ATP8A2: variants seen among roughly 807,000 people sequenced by gnomAD.
ATP8A2 encodes the protein phospholipid-transporting ATPase IB.
ATP8A2 carries 100 observed loss-of-function variants against 165.6 expected under a neutral mutation model. The observed-to-expected ratio is 0.60, with a 90% CI of 0.51 to 0.71. The LOEUF (loss-of-function observed/expected upper bound fraction) is 0.71. Among genes scored for constraint, ATP8A2 ranks in the 30% least tolerant of loss-of-function variants. ATP8A2 has a pLI of 0.00. For synonymous variants in ATP8A2, 543 were observed against 548.8 expected (o/e 0.99, Z 0.15); for missense variants, 1,227 against 1,479.5 (o/e 0.83, Z 2.80).
intron 1 of ATP8A2, among the ~76,000 whole-genome samples, chr13:25,417,255 T>C (rs1566116926): frequency 6.6e-6 from 1 of 152,188 alleles, no homozygotes; most frequent in Non-Finnish European, 1.5e-5. Flanking sequence ...ATCTTCAGCC[T>C]GTTGGTGTAA....
intron 24 of ATP8A2, among the ~76,000 whole-genome samples, chr13:25,617,426 G>T (rs548327265): frequency 6.6e-6 from 1 of 152,110 alleles, no homozygotes; most frequent in Admixed American, 6.5e-5. Flanking sequence ...TTGTCATTTC[G>T]TTGAATCCAT....
intron 24 of ATP8A2, among the ~76,000 whole-genome samples, chr13:25,652,066 T>C (rs921787072): frequency 1.2e-4 from 18 of 152,168 alleles, no homozygotes; most frequent in African/African-American, 3.9e-4. Flanking sequence ...GGTTGAAAAT[T>C]CCAGCTTTAT....
At chr13:25,568,820 C>CAT (rs1373306241) in intron 16 of ATP8A2, among the ~76,000 whole-genome samples, 2 of 152,100 alleles carry the variant, frequency 1.3e-5, no homozygotes, top group Non-Finnish European at 2.9e-5. Context: ...TACACACATA[C>CAT]ATATATACAC....
intron 1 of ATP8A2, among the ~76,000 whole-genome samples, chr13:25,374,091 G>A (rs893645235): frequency 1.3e-5 from 2 of 152,156 alleles, no homozygotes; most frequent in African/African-American, 2.4e-5. Flanking sequence ...AGAGTCCTGG[G>A]CACTCTAACA....
intron 24 of ATP8A2, among the ~76,000 whole-genome samples, chr13:25,595,017 CGTATAT>C (rs1454686466): frequency 2.9e-5 from 4 of 138,656 alleles, no homozygotes; most frequent in Non-Finnish European, 3.1e-5. Context: ...TGTATGTATG[CGTATAT>C]GTATATGTAT....
chr13:25,665,800 C>T (rs2042141653), intron 24 of ATP8A2, among the ~76,000 whole-genome samples: 2 of 151,892 alleles, frequency 1.3e-5, no homozygotes, highest in African/African-American at 2.4e-5. Context: ...CCTCCCGCCT[C>T]AGCCTCCTGG....
intron 27 of ATP8A2, among the ~76,000 whole-genome samples, chr13:25,814,819 C>A (rs1348908905): frequency 6.6e-6 from 1 of 152,010 alleles, no homozygotes; most frequent in Non-Finnish European, 1.5e-5. Flanking sequence ...AATTTGCGAC[C>A]AGTCTGGGCA....
At chr13:25,541,122 C>T (rs1236073044) in intron 8 of ATP8A2, among the ~76,000 whole-genome samples, 1 of 152,054 alleles carries the variant, frequency 6.6e-6, no homozygotes, top group Non-Finnish European at 1.5e-5. Flanking sequence ...GCTTTGGCCT[C>T]CCAAAGTGCT....
At position 25,403,737 on chromosome 13, in the gene ATP8A2, T is replaced by C. The variant is rs141523939; in HGVS notation, c.76+31449T>C. Among the ~76,000 whole-genome samples, 476 of 152,372 alleles carry C rather than the reference T, an allele frequency of 3.1e-3. 3 individuals are homozygous for C. Among genetic ancestry groups the C allele is most frequent in the African/African-American group, 0.011 (448 of 41,598 alleles). On this transcript the variant is annotated intron_variant, in intron 1 of 36. Transcript: ENST00000381655. ...CATATATTTATTTTGAATGGAATGT[T>C]GCCTGGCCTGCCAACTTAATTCCTT... is the stretch of plus-strand genomic sequence containing the variant.
chr13:25,785,987 A>T (rs2045014827), intron 27 of ATP8A2, among the ~76,000 whole-genome samples: 1 of 152,258 alleles, frequency 6.6e-6, no homozygotes, highest in Admixed American at 6.5e-5. Flanking sequence ...TAAGCTGGTC[A>T]GCCTTAGGTG....
intron 35 of ATP8A2, among the ~76,000 whole-genome samples, chr13:25,972,490 A>G (rs186140271): frequency 1.3e-5 from 2 of 152,262 alleles, no homozygotes; most frequent in East Asian, 3.9e-4. Context: ...GTTCTTCTTG[A>G]AGGAGTGTTT....
chr13:25,443,520 C>T (rs754327909), intron 1 of ATP8A2, among the ~76,000 whole-genome samples: 1 of 152,168 alleles, frequency 6.6e-6, no homozygotes, highest in Non-Finnish European at 1.5e-5. Context: ...GTGGATCATA[C>T]TTCACAATGA....
At position 25,886,931 on chromosome 13, in the gene ATP8A2, T is replaced by G. The variant is rs57702860; in HGVS notation, c.3183+24523T>G. On this transcript the variant is annotated intron_variant, in intron 33 of 36. Coordinates refer to ENST00000381655, the MANE Select transcript of ATP8A2 (RefSeq NM_016529.6). ...AAAGGGGTAATCAGCTCAGGCACAT[T>G]GACAACAGCTGGTCTGCTAGCTGAC... is the stretch of plus-strand genomic sequence containing the variant. Among the ~76,000 whole-genome samples, 21 of 152,286 alleles carry G rather than the reference T, an allele frequency of 1.4e-4. No individual in the cohort carries two copies. The East Asian group carries it at 3.7e-3, about 27-fold the overall frequency.
intron 10 of ATP8A2, among the ~76,000 whole-genome samples, chr13:25,547,022 C>T (rs1389434351): frequency 6.6e-6 from 1 of 151,964 alleles, no homozygotes; most frequent in Non-Finnish European, 1.5e-5. Flanking sequence ...CCCAGCTACT[C>T]AGGAGGCTGA....
chr13:25,724,409 C>T (rs973709176), intron 25 of ATP8A2, among the ~76,000 whole-genome samples: 1 of 152,166 alleles, frequency 6.6e-6, no homozygotes, highest in African/African-American at 2.4e-5. Flanking sequence ...AGAGGCTGAA[C>T]AGGGAAGCCT....
At chr13:25,702,647 A>T (rs2042975344) in intron 25 of ATP8A2, among the ~76,000 whole-genome samples, 1 of 152,206 alleles carries the variant, frequency 6.6e-6, no homozygotes, top group African/African-American at 2.4e-5. Flanking sequence ...AATAGTGAAT[A>T]AGAGACTATG....
Position 25,413,006 on chromosome 13 carries a change from C to T in ATP8A2, c.76+40718C>T, listed in dbSNP as rs555490602. Among the ~76,000 whole-genome samples, 25 of 152,058 alleles carry T rather than the reference C, an allele frequency of 1.6e-4. No individual in the cohort carries two copies. The South Asian group carries it at 2.5e-3, about 15-fold the overall frequency. On this transcript the variant is annotated intron_variant, in intron 1 of 36. Coordinates refer to ENST00000381655, the MANE Select transcript of ATP8A2 (RefSeq NM_016529.6). ...TTAATTTTTGTATTTTTAGTGGAGA[C>T]GGGGTTTCACCATGTTGGCCAGGCT...
chr13:25,431,086 C>A (rs1026141759), intron 1 of ATP8A2, among the ~76,000 whole-genome samples: 1 of 152,066 alleles, frequency 6.6e-6, no homozygotes. Flanking sequence ...GATAACATAG[C>A]CTTTGAATGG....
intron 1 of ATP8A2, among the ~76,000 whole-genome samples, chr13:25,422,340 C>T (rs2034325113): frequency 6.6e-6 from 1 of 152,166 alleles, no homozygotes; most frequent in African/African-American, 2.4e-5. Flanking sequence ...GTTTGTAAGG[C>T]TTCATGTCAG....
Sources: gnomAD v4.1 joint callset for allele counts (sites outside exome capture counted in the v4.1 genomes callset) on GRCh38, gnomAD v4.1.1 for gene constraint, MANE v1.5 for transcripts, NCBI Gene and HGNC (gene_info 2026-07-23, HGNC 2026-07-21) for gene names.